Variants in EYA2 observed in about 807,000 individuals in gnomAD.
EYA2 encodes EYA transcriptional coactivator and phosphatase 2.
A neutral mutation model predicts 69.2 loss-of-function variants in EYA2; 31 were observed. The ratio of observed to expected loss-of-function variants is 0.45; its 90% CI spans 0.34 to 0.60. The LOEUF is 0.60. Ranked by LOEUF, EYA2 falls within the 20% of genes least tolerant of loss-of-function variation. The probability of loss-of-function intolerance (pLI) is 0.02; values close to 1 mark genes in which losing one functional copy is unlikely to be tolerated. For synonymous variants in EYA2, 257 were observed against 279.4 expected (o/e 0.92, Z 0.80); for missense variants, 622 against 701.2 (o/e 0.89, Z 1.28).
intron 1 of EYA2, among the ~76,000 whole-genome samples, chr20:46,984,010 G>T (rs777091346): frequency 3.9e-5 from 6 of 152,116 alleles, no homozygotes; most frequent in Non-Finnish European, 8.8e-5. Context: ...GCTGGGAGGT[G>T]CACTCAGTTG....
intron 10 of EYA2, among the ~76,000 whole-genome samples, chr20:47,154,856 TG>T (rs1568812911): frequency 1.0e-4 from 15 of 150,546 alleles, no homozygotes; most frequent in African/African-American, 3.7e-4. Flanking sequence ...TGTGTGTGTG[TG>T]TGTTTTGAGA....
At chr20:47,083,642 A>C (rs1203582612) in intron 7 of EYA2, among the ~76,000 whole-genome samples, 1 of 149,624 alleles carries the variant, frequency 6.7e-6, no homozygotes, top group Non-Finnish European at 1.5e-5. Flanking sequence ...ATGACACACA[A>C]AAAAAATGCA....
chr20:46,992,805 T>C (rs945584282), intron 2 of EYA2, among the ~76,000 whole-genome samples: 4 of 152,122 alleles, frequency 2.6e-5, no homozygotes, highest in African/African-American at 7.2e-5. Context: ...ACACACACAC[T>C]TTCTTTCTCA....
chr20:46,931,065 A>G (rs1018959497), intron 1 of EYA2, among the ~76,000 whole-genome samples: 1 of 152,188 alleles, frequency 6.6e-6, no homozygotes, highest in Admixed American at 6.5e-5. Flanking sequence ...CTCACCTCCA[A>G]TTGAGAACCA....
chr20:47,036,348 A>C (rs188353076), intron 5 of EYA2, among the ~76,000 whole-genome samples: 1 of 152,332 alleles, frequency 6.6e-6, no homozygotes, highest in African/African-American at 2.4e-5. Context: ...CTGATGAACA[A>C]AGTATCAAAT....
At chr20:47,112,429 G>A (rs190892041) in intron 9 of EYA2, among the ~76,000 whole-genome samples, 1 of 152,112 alleles carries the variant, frequency 6.6e-6, no homozygotes, top group Non-Finnish European at 1.5e-5. Context: ...GGAACTTTTT[G>A]AGCATTTGAC....
rs537739386 is a variant in EYA2 at position 47,006,006 on chromosome 20, G to A, written c.298+922G>A. 2.6e-5 allele frequency among the ~76,000 whole-genome samples: 4 copies of A among 152,354 alleles called. No individual in the cohort carries two copies. The East Asian group carries it at 5.8e-4, about 22-fold the overall frequency. On this transcript the variant is annotated intron_variant, in intron 4 of 15. Transcript: ENST00000327619. ...AACCTAGGGCACTGGCTTCAGGCAG[G>A]CCTGGGTCCAGGTCCTCAAGGTATA...
intron 7 of EYA2, among the ~76,000 whole-genome samples, chr20:47,088,937 G>A (rs77043013): frequency 0.02 from 3,049 of 152,262 alleles, 106 homozygotes; most frequent in African/African-American, 0.069. Context: ...CTTACTTGTC[G>A]ATGTGTCTGA....
chr20:46,922,976 G>A (rs1381880277), intron 1 of EYA2, among the ~76,000 whole-genome samples: 3 of 152,192 alleles, frequency 2.0e-5, no homozygotes, highest in African/African-American at 4.8e-5. Flanking sequence ...TAAGAAAAGA[G>A]CAGACAAACC....
chr20:46,934,505 T>C (rs1327848465), intron 1 of EYA2, among the ~76,000 whole-genome samples: 1 of 152,070 alleles, frequency 6.6e-6, no homozygotes, highest in African/African-American at 2.4e-5. Flanking sequence ...GGCACATCCC[T>C]CCACAAATAG....
chr20:47,021,058 T>A (rs1401702094), intron 5 of EYA2, among the ~76,000 whole-genome samples: 1 of 152,194 alleles, frequency 6.6e-6, no homozygotes. Flanking sequence ...CGTGGGGTGC[T>A]ATGATGACTA....
At chr20:46,959,076 T>C (rs1979312285) in intron 1 of EYA2, among the ~76,000 whole-genome samples, 1 of 152,214 alleles carries the variant, frequency 6.6e-6, no homozygotes, top group South Asian at 2.1e-4. Context: ...GGATTGTGAG[T>C]CAAATGTTAT....
chr20:47,089,719 T>C lies in EYA2; in HGVS notation c.804+338T>C, dbSNP rs77247862. Among the ~76,000 whole-genome samples the C allele has an allele frequency of 2.0e-5, 3 of 152,140 alleles. No homozygotes were observed. In the East Asian group the frequency reaches 5.8e-4, roughly 29 times the overall value. On this transcript the variant is annotated intron_variant, in intron 8 of 15. Coordinates refer to ENST00000327619, the MANE Select transcript of EYA2 (RefSeq NM_005244.5). ...TTTCTGACAAGCCCCCAGATGATTA[T>C]GATGCTCTGGATTGAGGACCACACT...
chr20:47,051,204 G>A lies in EYA2; in HGVS notation c.416-20981G>A, dbSNP rs149628366. Among the ~76,000 whole-genome samples the A allele has an allele frequency of 4.2e-3, 647 of 152,326 alleles. 2 individuals carry two copies. Among genetic ancestry groups the A allele is most frequent in the African/African-American group, 0.014 (582 of 41,582 alleles). ...GACTCATCACAGCACGTTCTGCATCGCTTCGCCATTGCAGTGTATGCACGG... is the reference window on the plus strand; with the variant it reads ...GACTCATCACAGCACGTTCTGCATCACTTCGCCATTGCAGTGTATGCACGG... On this transcript the variant is annotated intron_variant, in intron 5 of 15. Transcript: ENST00000327619.
intron 9 of EYA2, among the ~76,000 whole-genome samples, chr20:47,131,107 A>G (rs1350751800): frequency 2.6e-5 from 4 of 152,160 alleles, no homozygotes; most frequent in African/African-American, 7.2e-5. Flanking sequence ...AAAAAATCAA[A>G]AATACTCTAT....
chr20:47,160,993 T>C (rs558520955), intron 10 of EYA2: 30 of 300,828 alleles, frequency 1.0e-4, no homozygotes, highest in African/African-American at 6.3e-4. Context: ...CGGGTAGCTG[T>C]AGGTCTTAGA....
chr20:46,945,416 A>G (rs1325637602), intron 1 of EYA2, among the ~76,000 whole-genome samples: 1 of 152,224 alleles, frequency 6.6e-6, no homozygotes, highest in Non-Finnish European at 1.5e-5. Context: ...TCAGGAACCT[A>G]AGCAGCCTCT....
intron 9 of EYA2, among the ~76,000 whole-genome samples, chr20:47,127,849 C>T (rs530757598): frequency 2.0e-5 from 3 of 152,296 alleles, no homozygotes; most frequent in African/African-American, 7.2e-5. Context: ...AAGGACTGAC[C>T]GTGGCATCCC....
At chr20:47,155,890 CA>C (rs1394598774) in intron 10 of EYA2, among the ~76,000 whole-genome samples, 1 of 150,544 alleles carries the variant, frequency 6.6e-6, no homozygotes, top group East Asian at 2.1e-4. Context: ...AAGAGTCTTT[CA>C]GGGGGCCAGC....
Sources: allele counts gnomAD v4.1 joint callset (sites outside exome capture counted in the v4.1 genomes callset), GRCh38; gene constraint gnomAD v4.1.1; transcripts MANE v1.5; gene names NCBI Gene and HGNC (gene_info 2026-07-23, HGNC 2026-07-21).